The following ITFG1 variants were observed in gnomAD, a reference collection of about 807,000 sequenced individuals.
ITFG1 encodes the protein integrin alpha FG-GAP repeat containing 1.
In ITFG1, 34 loss-of-function variants were observed where a neutral mutation model predicts 81.8. That is an observed-to-expected ratio of 0.42 (90% CI 0.32 to 0.55). The LOEUF is 0.55. Ranked by LOEUF, ITFG1 falls within the 20% of genes least tolerant of loss-of-function variation. ITFG1 has a pLI of 0.17. For synonymous variants in ITFG1, 285 were observed against 270.6 expected (o/e 1.05, Z -0.52); for missense variants, 672 against 755.4 (o/e 0.89, Z 1.29).
At chr16:47,264,858 A>G (rs936481682) in intron 10 of ITFG1, among the ~76,000 whole-genome samples, 3 of 152,136 alleles carry the variant, frequency 2.0e-5, no homozygotes, top group African/African-American at 7.2e-5. Flanking sequence ...TATTACATTT[A>G]TGTTTATAAG....
intron 14 of ITFG1, among the ~76,000 whole-genome samples, chr16:47,200,667 T>C (rs933926169): frequency 6.6e-6 from 1 of 152,188 alleles, no homozygotes; most frequent in African/African-American, 2.4e-5. Flanking sequence ...TTGTGTATAA[T>C]TATAGTTGTA....
chr16:47,327,644 C>T (rs540993799), intron 8 of ITFG1, among the ~76,000 whole-genome samples: 2 of 152,298 alleles, frequency 1.3e-5, no homozygotes, highest in East Asian at 1.9e-4. Flanking sequence ...AAACAAACAA[C>T]CTCATCAAAA....
chr16:47,240,627 C>T (rs72800629), intron 12 of ITFG1, among the ~76,000 whole-genome samples: 1 of 152,250 alleles, frequency 6.6e-6, no homozygotes, highest in Non-Finnish European at 1.5e-5. Context: ...TTAGTCACAA[C>T]AGCCAAGAGG....
At position 47,167,058 on chromosome 16, in the gene ITFG1, T is replaced by A. The variant is rs538714898; in HGVS notation, c.1454-4394A>T. 2.2e-4 allele frequency among the ~76,000 whole-genome samples: 33 copies of A among 152,112 alleles called. 1 individual carries two copies. Among genetic ancestry groups the A allele is most frequent in the Admixed American group, 5.2e-4 (8 of 15,272 alleles). On this transcript the variant is annotated intron_variant, in intron 14 of 17. Coordinates refer to ENST00000320640, the MANE Select transcript of ITFG1 (RefSeq NM_030790.5). ...TGTTGTGCAACTATCAATTCTCTCTTGTTTGCAAACTTTTTCATCACCCTA... is the reference window on the plus strand; with the variant it reads ...TGTTGTGCAACTATCAATTCTCTCTAGTTTGCAAACTTTTTCATCACCCTA...
At chr16:47,202,179 A>G (rs969707772) in intron 14 of ITFG1, 5 of 152,214 alleles carry the variant, frequency 3.3e-5, no homozygotes, top group Non-Finnish European at 5.9e-5. Flanking sequence ...ATTCTTTAAT[A>G]AATACTTTAT....
intron 5 of ITFG1, among the ~76,000 whole-genome samples, chr16:47,433,857 AATATATATATATAT>A (rs4038737): frequency 0.029 from 1,110 of 38,356 alleles, 24 homozygotes; most frequent in Middle Eastern, 0.056. Flanking sequence ...ATAAAAACTG[AATATATATATATAT>A]ATATATATAT....
intron 6 of ITFG1, among the ~76,000 whole-genome samples, chr16:47,391,979 C>T (rs766919444): frequency 2.0e-5 from 3 of 152,006 alleles, no homozygotes; most frequent in African/African-American, 4.8e-5. Context: ...TATTTCTTGG[C>T]GGAAACTTTT....
chr16:47,430,502 T>A (rs1452421089), intron 5 of ITFG1, among the ~76,000 whole-genome samples: 2 of 152,210 alleles, frequency 1.3e-5, no homozygotes, highest in African/African-American at 4.8e-5. Flanking sequence ...AATTTGCCTG[T>A]TTTCTTCTAA....
chr16:47,420,137 T>C (rs1968926231), intron 6 of ITFG1, among the ~76,000 whole-genome samples: 1 of 152,140 alleles, frequency 6.6e-6, no homozygotes, highest in Admixed American at 6.5e-5. Context: ...TCCATGTACT[T>C]GTACAGTTTC....
intron 6 of ITFG1, among the ~76,000 whole-genome samples, chr16:47,377,816 T>C (rs1314771106): frequency 6.6e-6 from 1 of 152,218 alleles, no homozygotes; most frequent in Non-Finnish European, 1.5e-5. Flanking sequence ...AACGGATTTT[T>C]CTATCCCTGC....
intron 10 of ITFG1, among the ~76,000 whole-genome samples, chr16:47,275,922 T>C (rs1030234068): frequency 3.3e-5 from 5 of 152,152 alleles, no homozygotes; most frequent in African/African-American, 1.2e-4. Context: ...TATATTTACA[T>C]TCTATTAAGT....
chr16:47,298,993 T>C (rs921301496), intron 10 of ITFG1, among the ~76,000 whole-genome samples: 6 of 152,076 alleles, frequency 3.9e-5, no homozygotes, highest in Admixed American at 2.6e-4. Context: ...AGGCCCCCCA[T>C]GGCAGATGTA....
chr16:47,159,019 T>C (rs761650953), intron 16 of ITFG1, 29 bp from the exon 17 acceptor site: 10 of 1,188,392 alleles, frequency 8.4e-6, no homozygotes, highest in African/African-American at 1.6e-5. Flanking sequence ...CAAATTAAAA[T>C]TACAAATTTT....
intron 14 of ITFG1, among the ~76,000 whole-genome samples, chr16:47,214,656 T>C (rs1005421427): frequency 1.1e-4 from 17 of 152,176 alleles, no homozygotes; most frequent in African/African-American, 3.9e-4. Flanking sequence ...ACAGGAACTA[T>C]TATTTAGAAA....
intron 9 of ITFG1, among the ~76,000 whole-genome samples, chr16:47,311,723 T>C (rs570435226): frequency 2.0e-5 from 3 of 152,184 alleles, no homozygotes; most frequent in Non-Finnish European, 2.9e-5. Flanking sequence ...CTAGTCAGAT[T>C]ACATAATTTA....
chr16:47,326,078 A>C (rs1486880349), intron 8 of ITFG1, among the ~76,000 whole-genome samples: 1 of 152,224 alleles, frequency 6.6e-6, no homozygotes, highest in Admixed American at 6.5e-5. Context: ...ATCCTCAATA[A>C]AATACTGGCA....
chr16:47,434,440 C>T (rs964176078), intron 5 of ITFG1, among the ~76,000 whole-genome samples: 43 of 150,402 alleles, frequency 2.9e-4, no homozygotes, highest in Middle Eastern at 3.4e-3. Context: ...CCAAAAAACA[C>T]GAAAAAAAAG....
intron 8 of ITFG1, among the ~76,000 whole-genome samples, chr16:47,329,463 G>A (rs1215286860): frequency 6.6e-6 from 1 of 152,106 alleles, no homozygotes; most frequent in Non-Finnish European, 1.5e-5. Flanking sequence ...AAGGACTTGA[G>A]GTCAAATCTC....
At chr16:47,318,764 CAA>C (rs551485934) in intron 8 of ITFG1, among the ~76,000 whole-genome samples, 8 of 151,814 alleles carry the variant, frequency 5.3e-5, no homozygotes, top group African/African-American at 1.2e-4. Flanking sequence ...TTTTACAAAA[CAA>C]AAAGTTTTTG....
Sources: gnomAD v4.1 joint callset for allele counts (sites outside exome capture counted in the v4.1 genomes callset) on GRCh38, gnomAD v4.1.1 for gene constraint, MANE v1.5 for transcripts, NCBI Gene and HGNC (gene_info 2026-07-23, HGNC 2026-07-21) for gene names.